Variants in LYRM2 observed in about 807,000 individuals in gnomAD.
LYRM2 encodes LYR motif containing 2, also known as LYR motif-containing protein 2.
Under a neutral mutation model 11.6 loss-of-function variants are expected in LYRM2, and 8 were observed. The observed-to-expected ratio is 0.69, with a 90% CI of 0.40 to 1.24. LYRM2 has a LOEUF of 1.24. Among genes scored for constraint, LYRM2 ranks in the 50% most tolerant of loss-of-function variants. LYRM2 has a pLI of 0.01. For missense variants in LYRM2, 117 were observed against 102.9 expected (o/e 1.14, Z -0.59); for synonymous variants, 30 against 36.4 (o/e 0.83, Z 0.63).
chr6:89,637,978 CGTT>C (rs1372913555), intron 1 of LYRM2, 96 bp from the exon 2 acceptor site: 51 of 1,241,256 alleles, frequency 4.1e-5, no homozygotes, highest in Non-Finnish European at 5.6e-5. Flanking sequence ...GAGTACTTCT[CGTT>C]GGTCAATTTT....
At position 89,633,618 on chromosome 6, in the gene LYRM2, TAAATA is replaced by T. The variant is rs1807836603; in HGVS notation, c.*3650_*3654del. 1 of 152,238 alleles carries T rather than the reference TAAATA, an allele frequency of 6.6e-6. No individual in the cohort carries two copies. The highest frequency in any genetic ancestry group is 6.5e-5 in the Admixed American group (1 of 15,290). 9.4% of individuals were successfully genotyped at this position (152,238 alleles called of 1,614,324 possible). A position where few individuals can be genotyped will look rare whatever the true frequency, so the allele number is the denominator to read the frequency against. ...ATTGAGTATACTAAATATCTGTGAT[TAAATA>T]AATTAGTTCTAACTTTTGATTTTGG... On this transcript the variant is annotated 3_prime_UTR_variant, in exon 3 of 3. Coordinates refer to ENST00000523377, the MANE Select transcript of LYRM2 (RefSeq NM_020466.5).
Position 89,632,598 on chromosome 6 carries a change from T to C in LYRM2, c.*4675A>G, listed in dbSNP as rs1405074225. Reference sequence around the variant, plus strand: ...AGTCCTGGCTAATTTTTTGTAGATATAAGGTCTCATGATATTGCCCAGGCT... The same window carrying C: ...AGTCCTGGCTAATTTTTTGTAGATACAAGGTCTCATGATATTGCCCAGGCT... On this transcript the variant is annotated 3_prime_UTR_variant, in exon 3 of 3. Coordinates refer to ENST00000523377, the MANE Select transcript of LYRM2 (RefSeq NM_020466.5). 1.3e-5 allele frequency: 2 copies of C among 152,180 alleles called. No individual in the cohort carries two copies. The highest frequency in any genetic ancestry group is 2.9e-5 in the Non-Finnish European group (2 of 68,032). The allele number at this position is 152,180 out of a possible 1,614,324, so 9.4% of individuals were successfully genotyped here. A position where few individuals can be genotyped will look rare whatever the true frequency, so the allele number is the denominator to read the frequency against.
At position 89,637,957 on chromosome 6, in the gene LYRM2, A is replaced by C. The variant is rs185146188; in HGVS notation, c.46-75T>G. On this transcript the variant is annotated intron_variant, in intron 1 of 2. Transcript: ENST00000523377. ...TGGAAAGTTCTACTTCAGCAAACCA[A>C]GCTGTAACCAGAGTACTTCTCGTTG... The C allele has an allele frequency of 7.1e-4, 997 of 1,394,622 alleles. 8 individuals carry two copies. In the African/African-American group the frequency reaches 0.013, roughly 18 times the overall value. The allele number at this position is 1,394,622 out of a possible 1,614,324, so 86.4% of individuals were successfully genotyped here. A position where few individuals can be genotyped will look rare whatever the true frequency, so the allele number is the denominator to read the frequency against.
chr6:89,637,960 T>C lies in LYRM2; in HGVS notation c.46-78A>G. The C allele has an allele frequency of 3.6e-6, 5 of 1,393,010 alleles. No individual in the cohort carries two copies. In the South Asian group the frequency reaches 6.7e-5, roughly 19 times the overall value. The allele number at this position is 1,393,010 out of a possible 1,614,324, so 86.3% of individuals were successfully genotyped here. A position where few individuals can be genotyped will look rare whatever the true frequency, so the allele number is the denominator to read the frequency against. Reference sequence around the variant, plus strand: ...AAAGTTCTACTTCAGCAAACCAAGCTGTAACCAGAGTACTTCTCGTTGGTC... The same window carrying C: ...AAAGTTCTACTTCAGCAAACCAAGCCGTAACCAGAGTACTTCTCGTTGGTC... On this transcript the variant is annotated intron_variant, in intron 1 of 2. Coordinates refer to ENST00000523377, the MANE Select transcript of LYRM2 (RefSeq NM_020466.5).
Position 89,633,979 on chromosome 6 carries a change from T to C in LYRM2, c.*3294A>G, listed in dbSNP as rs1273059979. On this transcript the variant is annotated 3_prime_UTR_variant, in exon 3 of 3. Coordinates refer to ENST00000523377, the MANE Select transcript of LYRM2 (RefSeq NM_020466.5). ...TGGCTGTAAAGTCGCGATCAGGTGC[T>C]CTCCACCAAAAGCAAAACAAAACTG... 6.6e-6 allele frequency: 1 copy of C among 152,222 alleles called. No homozygotes were observed. Among genetic ancestry groups the C allele is most frequent in the African/African-American group, 2.4e-5 (1 of 41,458 alleles). 9.4% of individuals were successfully genotyped at this position (152,222 alleles called of 1,614,324 possible). A position where few individuals can be genotyped will look rare whatever the true frequency, so the allele number is the denominator to read the frequency against.
rs1411008327 is a variant in LYRM2 at position 89,634,699 on chromosome 6, CCT to C, written c.*2572_*2573del. 6.6e-6 allele frequency: 1 copy of C among 152,094 alleles called. No homozygotes were observed. Among genetic ancestry groups the C allele is most frequent in the Non-Finnish European group, 1.5e-5 (1 of 68,026 alleles). The allele number at this position is 152,094 out of a possible 1,614,324, so 9.4% of individuals were successfully genotyped here. On this transcript the variant is annotated 3_prime_UTR_variant, in exon 3 of 3. Transcript: ENST00000523377. ...ACACTCCAGCTTGTGCAACAGAGAC[CCT>C]GTCTCAAAAAAAAGTCATCTGTGTG... is the stretch of plus-strand genomic sequence containing the variant.
Position 89,633,209 on chromosome 6 carries a change from A to G in LYRM2, c.*4064T>C, listed in dbSNP as rs1315451725. 6.6e-6 allele frequency: 1 copy of G among 152,216 alleles called. No homozygotes were observed. The highest frequency in any genetic ancestry group is 1.5e-5 in the Non-Finnish European group (1 of 68,036). The allele number at this position is 152,216 out of a possible 1,614,324, so 9.4% of individuals were successfully genotyped here. A position where few individuals can be genotyped will look rare whatever the true frequency, so the allele number is the denominator to read the frequency against. On this transcript the variant is annotated 3_prime_UTR_variant, in exon 3 of 3. Transcript: ENST00000523377. The stretch of plus-strand genomic sequence containing the variant: ...GTCTCTTGGAGGTCTGTCGTAGAAG[A>G]AGAAACAAATAGAGGTGATGAAGAC...
Position 89,637,742 on chromosome 6 carries a change from C to T in LYRM2, c.186G>A (p.Glu62=). 1.2e-6 allele frequency: 2 copies of T among 1,613,736 alleles called. No homozygotes were observed. The highest frequency in any genetic ancestry group is 1.3e-5 in the African/African-American group (1 of 75,002). The change falls in exon 2 of 3, where the codon GAG becomes GAA. Residue 62 remains glutamate (E), a splice_region_variant and synonymous_variant. Transcript: ENST00000523377. ...EFRRNKSATE[E]DTIRMMITQG... Reference sequence around the variant, plus strand: ...GTCCTCACCATGATTTTGTTCTCACCTCTTCGGTGGCACTTTTGTTTCTTC... The same window carrying T: ...GTCCTCACCATGATTTTGTTCTCACTTCTTCGGTGGCACTTTTGTTTCTTC...
intron 2 of LYRM2, 31 bp downstream of exon 2, chr6:89,637,711 G>C: frequency 1.2e-6 from 2 of 1,601,416 alleles, no homozygotes; most frequent in Non-Finnish European, 1.7e-6. Flanking sequence ...AAAAGGGTTA[G>C]GATCTGTCCT....
Position 89,638,301 on chromosome 6 carries a change from A to G in LYRM2, c.45+371T>C, listed in dbSNP as rs140876034. On this transcript the variant is annotated intron_variant, in intron 1 of 2. Coordinates refer to ENST00000523377, the MANE Select transcript of LYRM2 (RefSeq NM_020466.5). ...CTGAAAAGGGCTGCCGGTCTCCTAG[A>G]AGTTGTTATTACAACGACAGCACTT... The G allele has an allele frequency of 2.3e-3, 2,748 of 1,171,476 alleles. 56 individuals are homozygous for G. The African/African-American group carries it at 0.039, about 17-fold the overall frequency. 72.6% of individuals were successfully genotyped at this position (1,171,476 alleles called of 1,614,324 possible). A position where few individuals can be genotyped will look rare whatever the true frequency, so the allele number is the denominator to read the frequency against.
At position 89,635,222 on chromosome 6, in the gene LYRM2, T is replaced by A. The variant is rs1363450042; in HGVS notation, c.*2051A>T. 3 of 152,152 alleles carry A rather than the reference T, an allele frequency of 2.0e-5. No individual in the cohort carries two copies. The highest frequency in any genetic ancestry group is 4.8e-5 in the African/African-American group (2 of 41,422). 9.4% of individuals were successfully genotyped at this position (152,152 alleles called of 1,614,324 possible). A position where few individuals can be genotyped will look rare whatever the true frequency, so the allele number is the denominator to read the frequency against. The stretch of plus-strand genomic sequence containing the variant: ...ACACCCATAAAAGGATGATTTTGAG[T>A]TTCAAGATTTTAGATTTACTAGAGA... On this transcript the variant is annotated 3_prime_UTR_variant, in exon 3 of 3. Coordinates refer to ENST00000523377, the MANE Select transcript of LYRM2 (RefSeq NM_020466.5).
At chr6:89,638,356 G>T in intron 1 of LYRM2, 1 of 1,261,736 alleles carries the variant, frequency 7.9e-7, no homozygotes, top group Non-Finnish European at 1.0e-6. Context: ...TCAAATCTTT[G>T]GTAATCTCAT....
rs1477998960 is a variant in LYRM2 at position 89,634,114 on chromosome 6, G to A, written c.*3159C>T. On this transcript the variant is annotated 3_prime_UTR_variant, in exon 3 of 3. Transcript: ENST00000523377. The stretch of plus-strand genomic sequence containing the variant: ...AAAACATCATTTGCAATAGTTAAAG[G>A]TTATGCAAGGCAAGGCAACATTATA... 6.6e-6 allele frequency: 1 copy of A among 152,196 alleles called. No individual in the cohort carries two copies. Among genetic ancestry groups the A allele is most frequent in the Admixed American group, 6.5e-5 (1 of 15,272 alleles). 9.4% of individuals were successfully genotyped at this position (152,196 alleles called of 1,614,324 possible).
chr6:89,638,387 G>A, intron 1 of LYRM2: 2 of 1,387,022 alleles, frequency 1.4e-6, no homozygotes, highest in South Asian at 1.5e-5. Flanking sequence ...CCACAGCTCA[G>A]TGCAATAGAC....
In LYRM2 at chr6:89,636,372, T is replaced by C. The variant is rs1465204934; in HGVS notation, c.*901A>G. 6.6e-6 allele frequency: 1 copy of C among 152,140 alleles called. No individual in the cohort carries two copies. Among genetic ancestry groups the C allele is most frequent in the Non-Finnish European group, 1.5e-5 (1 of 67,992 alleles). The allele number at this position is 152,140 out of a possible 1,614,324, so 9.4% of individuals were successfully genotyped here. On this transcript the variant is annotated 3_prime_UTR_variant, in exon 3 of 3. Coordinates refer to ENST00000523377, the MANE Select transcript of LYRM2 (RefSeq NM_020466.5). The stretch of plus-strand genomic sequence containing the variant: ...ACATTTCGTATGAATGGAATCATCA[T>C]GTGATCTTTTGTGACCGGCTTCTTT...
intron 1 of LYRM2, among the ~76,000 whole-genome samples, 171 bp from the exon 2 acceptor site, chr6:89,638,053 G>C (rs1483379307): frequency 6.6e-6 from 1 of 152,034 alleles, no homozygotes; most frequent in Non-Finnish European, 1.5e-5. Flanking sequence ...GCTCAGGCCT[G>C]TAATCCCAGC....
intron 2 of LYRM2, 104 bp from the exon 3 acceptor site, chr6:89,637,457 C>T: frequency 1.3e-6 from 1 of 748,626 alleles, no homozygotes; most frequent in Non-Finnish European, 2.2e-6. Flanking sequence ...CCTATTGGAA[C>T]TGCTGCCTTT....
rs750858378 is a variant in LYRM2, at chr6:89,636,650, G to GCCAT, written c.*619_*622dup. On this transcript the variant is annotated 3_prime_UTR_variant, in exon 3 of 3. Coordinates refer to ENST00000523377, the MANE Select transcript of LYRM2 (RefSeq NM_020466.5). ...ATTATTATTTCTCTTTTTAATTACA[G>GCCAT]CCATTCTAGTGAATGTGAATCTCAG... The GCCAT allele has an allele frequency of 1.3e-5, 2 of 148,640 alleles. No homozygotes were observed. Among genetic ancestry groups the GCCAT allele is most frequent in the African/African-American group, 2.5e-5 (1 of 40,518 alleles). The allele number at this position is 148,640 out of a possible 1,614,324, so 9.2% of individuals were successfully genotyped here. A position where few individuals can be genotyped will look rare whatever the true frequency, so the allele number is the denominator to read the frequency against.
rs1163175749 is a variant in LYRM2, at chr6:89,633,866, GGT to G, written c.*3405_*3406del. 1 of 152,142 alleles carries G rather than the reference GGT, an allele frequency of 6.6e-6. No homozygotes were observed. The highest frequency in any genetic ancestry group is 1.5e-5 in the Non-Finnish European group (1 of 68,030). 9.4% of individuals were successfully genotyped at this position (152,142 alleles called of 1,614,324 possible). On this transcript the variant is annotated 3_prime_UTR_variant, in exon 3 of 3. Coordinates refer to ENST00000523377, the MANE Select transcript of LYRM2 (RefSeq NM_020466.5). ...TTTAGCTTACATTTTAATTTATTGT[GGT>G]TGACCACATTTTATGGCTCCTGAGT...
Sources: gnomAD v4.1 joint callset for allele counts (sites outside exome capture counted in the v4.1 genomes callset) on GRCh38, gnomAD v4.1.1 for gene constraint, MANE v1.5 for transcripts, NCBI Gene and HGNC (gene_info 2026-07-23, HGNC 2026-07-21) for gene names.